CTNNA2: variants seen among roughly 807,000 people sequenced by gnomAD.
CTNNA2 encodes the protein catenin alpha-2.
A neutral mutation model predicts 101.0 loss-of-function variants in CTNNA2; 42 were observed. The ratio of observed to expected loss-of-function variants is 0.42; its 90% CI spans 0.32 to 0.54. The LOEUF is 0.54. CTNNA2 is among the 20% of genes least tolerant of loss of function. The probability of loss-of-function intolerance (pLI) is 0.14; values close to 1 mark genes in which losing one functional copy is unlikely to be tolerated. For missense variants in CTNNA2, 871 were observed against 1,223.1 expected, an observed-to-expected ratio of 0.71 and a Z score of 4.29; for synonymous variants, 450 against 456.4, an observed-to-expected ratio of 0.99 and a Z score of 0.18.
At chr2:80,059,988 G>A (rs1697470054) in intron 7 of CTNNA2, among the ~76,000 whole-genome samples, 1 of 152,152 alleles carries the variant, frequency 6.6e-6, no homozygotes, top group African/African-American at 2.4e-5. Context: ...ATCTATTAGG[G>A]GAAAAGATTA....
At chr2:80,117,166 T>A (rs548415104) in intron 7 of CTNNA2, among the ~76,000 whole-genome samples, 5 of 152,120 alleles carry the variant, frequency 3.3e-5, no homozygotes, top group South Asian at 2.1e-4. Flanking sequence ...AAGAAATATC[T>A]TTATGTTGGA....
Position 80,225,615 on chromosome 2 carries a change from T to C in CTNNA2, c.1057-167596T>C, listed in dbSNP as rs146468775. ...GCCATAGTAGGAAAACATCATGAAG[T>C]AACTTCATTGAAAACAGCTATGTAT... On this transcript the variant is annotated intron_variant, in intron 7 of 18. Coordinates refer to ENST00000402739, the MANE Select transcript of CTNNA2 (RefSeq NM_001282597.3). Among the ~76,000 whole-genome samples the C allele has an allele frequency of 2.6e-5, 4 of 152,338 alleles. No homozygotes were observed. The East Asian group carries it at 7.7e-4, about 29-fold the overall frequency.
chr2:80,017,142 C>T (rs1322371108), intron 7 of CTNNA2, among the ~76,000 whole-genome samples: 1 of 152,118 alleles, frequency 6.6e-6, no homozygotes, highest in East Asian at 1.9e-4. Context: ...CCCCAAAATG[C>T]ACAATTCCTT....
chr2:80,420,033 T>TG (rs1417772462), intron 9 of CTNNA2, among the ~76,000 whole-genome samples: 7 of 61,170 alleles, frequency 1.1e-4, no homozygotes, highest in Middle Eastern at 0.016. Context: ...TGGGAACTTG[T>TG]GAAAAAAAAA....
intron 9 of CTNNA2, among the ~76,000 whole-genome samples, chr2:80,507,150 C>T (rs1688340765): frequency 6.6e-6 from 1 of 152,132 alleles, no homozygotes; most frequent in South Asian, 2.1e-4. Context: ...TCCCTAGTCT[C>T]CTCATCTGTA....
At chr2:79,865,819 A>C (rs955662089) in intron 4 of CTNNA2, among the ~76,000 whole-genome samples, 1 of 152,222 alleles carries the variant, frequency 6.6e-6, no homozygotes, top group Non-Finnish European at 1.5e-5. Flanking sequence ...TCCCGGGTTC[A>C]TGCCATTCTG....
chr2:79,926,774 G>A (rs1574329804), intron 7 of CTNNA2, among the ~76,000 whole-genome samples: 1 of 151,470 alleles, frequency 6.6e-6, no homozygotes, highest in South Asian at 2.1e-4. Flanking sequence ...TTATGTTTTG[G>A]GAGTTATACT....
chr2:79,341,080 T>G (rs966733394), intron 3 of CTNNA2, among the ~76,000 whole-genome samples: 3 of 152,020 alleles, frequency 2.0e-5, no homozygotes, highest in East Asian at 1.9e-4. Context: ...AAATACTAAT[T>G]ATTAATTCCA....
intron 9 of CTNNA2, among the ~76,000 whole-genome samples, chr2:80,506,140 A>G (rs530384820): frequency 5.8e-4 from 89 of 152,336 alleles, no homozygotes; most frequent in African/African-American, 2.0e-3. Context: ...TGAGGAAGTT[A>G]GCGTGGAAGC....
At chr2:79,802,231 A>T (rs1676222347) in intron 3 of CTNNA2, among the ~76,000 whole-genome samples, 1 of 152,164 alleles carries the variant, frequency 6.6e-6, no homozygotes, top group South Asian at 2.1e-4. Flanking sequence ...CACTCCTGAA[A>T]CAATAGAGGG....
chr2:79,694,662 G>A (rs1320443553), intron 2 of CTNNA2, among the ~76,000 whole-genome samples: 1 of 151,762 alleles, frequency 6.6e-6, no homozygotes, highest in African/African-American at 2.4e-5. Flanking sequence ...GGCTGCTTGA[G>A]TGTTAGATGT....
At chr2:80,313,504 G>T in intron 7 of CTNNA2, 1 of 1,581,720 alleles carries the variant, frequency 6.3e-7, no homozygotes, top group South Asian at 1.2e-5. Context: ...TGTGGTTGAA[G>T]AGATTTTTCT....
At chr2:79,329,449 A>T (rs1219100921) in intron 3 of CTNNA2, among the ~76,000 whole-genome samples, 1 of 152,156 alleles carries the variant, frequency 6.6e-6, no homozygotes, top group African/African-American at 2.4e-5. Context: ...GAGCAGAGGG[A>T]TCATTAGTGA....
intron 7 of CTNNA2, among the ~76,000 whole-genome samples, chr2:80,115,381 C>G (rs12463927): frequency 6.6e-6 from 1 of 151,982 alleles, no homozygotes; most frequent in African/African-American, 2.4e-5. Flanking sequence ...ACCTAACCCT[C>G]GAAGAAGACG....
At chr2:79,469,885 T>A (rs1348561426) in intron 4 of CTNNA2, among the ~76,000 whole-genome samples, 1 of 152,052 alleles carries the variant, frequency 6.6e-6, no homozygotes, top group African/African-American at 2.4e-5. Context: ...TATCTCAAAA[T>A]GAAAAGAGCT....
chr2:79,799,039 C>T (rs1159294954), intron 3 of CTNNA2, among the ~76,000 whole-genome samples: 1 of 152,136 alleles, frequency 6.6e-6, no homozygotes, highest in Non-Finnish European at 1.5e-5. Flanking sequence ...TTGTTGTTCT[C>T]TCTGGTGAGC....
intron 3 of CTNNA2, among the ~76,000 whole-genome samples, chr2:79,844,336 GC>G (rs1355811578): frequency 6.6e-6 from 1 of 152,122 alleles, no homozygotes; most frequent in Non-Finnish European, 1.5e-5. Context: ...TAGGATCCCT[GC>G]TTTATATTTT....
intron 7 of CTNNA2, among the ~76,000 whole-genome samples, chr2:79,927,700 G>A (rs1249400178): frequency 6.6e-6 from 1 of 152,174 alleles, no homozygotes; most frequent in Non-Finnish European, 1.5e-5. Context: ...TCATATATTA[G>A]GTTTTGATCA....
At chr2:80,447,592 G>A (rs1306610869) in intron 9 of CTNNA2, among the ~76,000 whole-genome samples, 2 of 152,220 alleles carry the variant, frequency 1.3e-5, no homozygotes, top group African/African-American at 4.8e-5. Flanking sequence ...ATTAAGCCTA[G>A]TGGGGGAAAA....
Sources: allele counts gnomAD v4.1 joint callset (sites outside exome capture counted in the v4.1 genomes callset), GRCh38; gene constraint gnomAD v4.1.1; transcripts MANE v1.5; gene names NCBI Gene and HGNC (gene_info 2026-07-23, HGNC 2026-07-21).